The following CCDC7 variants were observed in gnomAD, a reference collection of about 807,000 sequenced individuals.
The protein encoded by CCDC7 is coiled-coil domain-containing protein 7.
A neutral mutation model predicts 196.9 loss-of-function variants in CCDC7; 183 were observed. The ratio of observed to expected loss-of-function variants is 0.93; its 90% confidence interval spans 0.82 to 1.05. CCDC7 has a LOEUF of 1.05. Among genes scored for constraint, CCDC7 ranks in the 50% least tolerant of loss-of-function variants. The probability of loss-of-function intolerance (pLI) is 0.00; values close to 1 mark genes in which losing one functional copy is unlikely to be tolerated. For synonymous variants in CCDC7, 525 were observed against 484.6 expected (o/e 1.08, Z -1.10); for missense variants, 1,540 against 1,482.2 (o/e 1.04, Z -0.64).
At chr10:32,663,945 A>T (rs2072078906) in intron 20 of CCDC7, 109 bp from the exon 22 acceptor site, 1 of 366,168 alleles carries the variant, frequency 2.7e-6, no homozygotes, top group Non-Finnish European at 4.8e-6. Flanking sequence ...CTTATATTTT[A>T]CATGTATAAA....
chr10:32,516,743 G>A (rs951860839), intron 9 of CCDC7, among the ~76,000 whole-genome samples: 2 of 152,170 alleles, frequency 1.3e-5, no homozygotes, highest in African/African-American at 4.8e-5. Context: ...TATCTGCTTT[G>A]GAAAAGTTTG....
At chr10:32,548,980 ATC>A (rs2052996641) in intron 13 of CCDC7, among the ~76,000 whole-genome samples, 1 of 152,138 alleles carries the variant, frequency 6.6e-6, no homozygotes, top group East Asian at 1.9e-4. Context: ...TCTTTAAGGA[ATC>A]TCTACACCGT....
intron 32 of CCDC7, among the ~76,000 whole-genome samples, chr10:32,827,074 GA>G (rs1185542170): frequency 6.6e-6 from 1 of 152,240 alleles, no homozygotes; most frequent in Non-Finnish European, 1.5e-5. Flanking sequence ...GACCTCAGCA[GA>G]GGAGGATTTT....
At chr10:32,686,137 T>C in intron 22 of CCDC7, 57 bp downstream of exon 23, 1 of 873,984 alleles carries the variant, frequency 1.1e-6, no homozygotes, top group Non-Finnish European at 1.7e-6. Flanking sequence ...ACAGCAAAGG[T>C]ATTTTTCTTC....
intron 26 of CCDC7, among the ~76,000 whole-genome samples, chr10:32,728,593 T>C (rs1186764702): frequency 6.6e-6 from 1 of 152,204 alleles, no homozygotes; most frequent in African/African-American, 2.4e-5. Context: ...TGGCCTATGA[T>C]TATATATTAA....
intron 20 of CCDC7, among the ~76,000 whole-genome samples, chr10:32,653,862 C>T (rs2069251635): frequency 6.6e-6 from 1 of 152,116 alleles, no homozygotes; most frequent in South Asian, 2.1e-4. Context: ...AAGATTAATG[C>T]TTTAACAAAA....
intron 20 of CCDC7, among the ~76,000 whole-genome samples, chr10:32,663,146 G>C (rs1042050998): frequency 1.2e-4 from 18 of 152,144 alleles, no homozygotes; most frequent in African/African-American, 4.3e-4. Flanking sequence ...CACCTCATAA[G>C]TGCCACTGTC....
At chr10:32,806,388 C>T (rs1198473181) in intron 30 of CCDC7, among the ~76,000 whole-genome samples, 1 of 152,076 alleles carries the variant, frequency 6.6e-6, no homozygotes, top group Non-Finnish European at 1.5e-5. Context: ...GGCAAAAAAA[C>T]AGCTTATGAG....
intron 29 of CCDC7, among the ~76,000 whole-genome samples, chr10:32,800,785 G>A (rs1390045737): frequency 1.3e-5 from 2 of 152,152 alleles, no homozygotes; most frequent in Non-Finnish European, 2.9e-5. Context: ...GTTCAAGTCT[G>A]GAAATTGGTT....
At chr10:32,681,591 A>G in intron 21 of CCDC7, among the ~76,000 whole-genome samples, 1 of 152,154 alleles carries the variant, frequency 6.6e-6, no homozygotes, top group East Asian at 1.9e-4. Flanking sequence ...CCTGCAGTAC[A>G]CAAATCTTAC....
chr10:32,711,153 T>C (rs527594109), intron 24 of CCDC7, among the ~76,000 whole-genome samples: 82 of 151,342 alleles, frequency 5.4e-4, no homozygotes, highest in Non-Finnish European at 1.0e-3. Context: ...TATATATACA[T>C]ACACACATAT....
rs868494806 is a variant in CCDC7, at chr10:32,619,772, T to A, written c.1802-14482T>A. Among the ~76,000 whole-genome samples the A allele has an allele frequency of 6.2e-4, 94 of 151,934 alleles. No homozygotes were observed. In the Middle Eastern group the frequency reaches 0.014, roughly 22 times the overall value. ...CATGCCAGTCTATTTTTAAAAAAAA[T>A]TTTTTTTGTTGAGACAAGGTCTTGC... On this transcript the variant is annotated intron_variant, in intron 18 of 41. Transcript: ENST00000639629.
At chr10:32,639,541 T>C (rs2066319446) in intron 20 of CCDC7, among the ~76,000 whole-genome samples, 1 of 152,172 alleles carries the variant, frequency 6.6e-6, no homozygotes, top group South Asian at 2.1e-4. Flanking sequence ...TTCCATGTAG[T>C]TGAGCGGTTT....
intron 28 of CCDC7, among the ~76,000 whole-genome samples, chr10:32,748,219 A>G (rs2075120443): frequency 6.6e-6 from 1 of 152,154 alleles, no homozygotes; most frequent in East Asian, 1.9e-4. Context: ...TTGAGGGTGG[A>G]GAATGGGTGG....
intron 24 of CCDC7, among the ~76,000 whole-genome samples, chr10:32,701,910 T>C (rs557902114): frequency 4.6e-5 from 7 of 152,310 alleles, no homozygotes; most frequent in Admixed American, 1.3e-4. Context: ...TTCTCTCTTT[T>C]CTTCTTTATT....
chr10:32,577,260 G>A lies in CCDC7; in HGVS notation c.1454+5367G>A, dbSNP rs539970374. On this transcript the variant is annotated intron_variant, in intron 16 of 41. Transcript: ENST00000639629. ...GCCTGTAGTCCCAGCTACTTAGGAG[G>A]CTGAGGCAGAGGAATCACTTGAACC... 5.9e-5 allele frequency among the ~76,000 whole-genome samples: 9 copies of A among 152,216 alleles called. No individual in the cohort carries two copies. In the East Asian group the frequency reaches 1.7e-3, roughly 29 times the overall value.
chr10:32,687,377 G>A (rs2076579048), intron 22 of CCDC7, among the ~76,000 whole-genome samples: 1 of 152,184 alleles, frequency 6.6e-6, no homozygotes, highest in South Asian at 2.1e-4. Flanking sequence ...CTTAACCACA[G>A]TAGTTCCCCT....
intron 18 of CCDC7, among the ~76,000 whole-genome samples, chr10:32,590,907 ATTCT>A (rs2059722226): frequency 6.6e-6 from 1 of 151,702 alleles, no homozygotes; most frequent in Non-Finnish European, 1.5e-5. Flanking sequence ...TGCTTTTAGG[ATTCT>A]TTCTTTATCC....
In CCDC7 at chr10:32,767,692, T is replaced by G. The variant is rs865925632; in HGVS notation, c.2906-11285T>G. On this transcript the variant is annotated intron_variant, in intron 28 of 41. Coordinates refer to ENST00000639629, the Ensembl canonical transcript of CCDC7. Reference sequence around the variant, plus strand: ...CAAAGACGCATAAAGACCTAAACTTTTCAATGCCCAGACATTAACAAATGT... The same window carrying G: ...CAAAGACGCATAAAGACCTAAACTTGTCAATGCCCAGACATTAACAAATGT... Among the ~76,000 whole-genome samples, 24 of 152,174 alleles carry G rather than the reference T, an allele frequency of 1.6e-4. 2 individuals carry two copies. In the South Asian group the frequency reaches 5.0e-3, roughly 32 times the overall value.
Sources: gnomAD v4.1 joint callset for allele counts (sites outside exome capture counted in the v4.1 genomes callset) on GRCh38, gnomAD v4.1.1 for gene constraint, MANE v1.5 for transcripts, NCBI Gene and HGNC (gene_info 2026-07-23, HGNC 2026-07-21) for gene names.